NHSL1: variants seen among roughly 807,000 people sequenced by gnomAD.
NHSL1 encodes the protein NHS-like protein 1.
A neutral mutation model predicts 95.0 loss-of-function variants in NHSL1; 48 were observed. The observed-to-expected ratio is 0.51, with a 90% CI of 0.40 to 0.64. The LOEUF is 0.64. Ranked by LOEUF, NHSL1 falls within the 30% of genes least tolerant of loss-of-function variation. The probability of loss-of-function intolerance (pLI) is 0.00; values close to 1 mark genes in which losing one functional copy is unlikely to be tolerated. For synonymous variants in NHSL1, 783 were observed against 833.9 expected, an observed-to-expected ratio of 0.94 and a Z score of 1.05; for missense variants, 1,971 against 2,077.7, an observed-to-expected ratio of 0.95 and a Z score of 1.00.
intron 1 of NHSL1, among the ~76,000 whole-genome samples, chr6:138,626,893 CAAAAA>C (rs71009593): frequency 2.6e-4 from 2 of 7,772 alleles, no homozygotes; most frequent in South Asian, 0.012. Context: ...GACTCCGTCT[CAAAAA>C]AAAAAAAAAA....
chr6:138,584,720 T>G (rs4576272), intron 1 of NHSL1, among the ~76,000 whole-genome samples: 3 of 152,122 alleles, frequency 2.0e-5, no homozygotes, highest in Non-Finnish European at 2.9e-5. Flanking sequence ...CATGAAGATA[T>G]GCCACCACGA....
At chr6:138,509,654 C>T (rs115922440) in intron 1 of NHSL1, among the ~76,000 whole-genome samples, 5 of 152,300 alleles carry the variant, frequency 3.3e-5, no homozygotes, top group African/African-American at 1.2e-4. Context: ...ACAACATGCT[C>T]TCATTCATGG....
rs1181454441 is a variant in NHSL1, at chr6:138,431,197, A to G, written c.3148T>C (p.Ser1050Pro). ...TCCTTGGTAGAAGGCGGCCTCAAGG[A>G]TCCCCGGGAGGATTCTGGCTGGCCA... The part of the protein sequence containing the change: ...NSGQPESSRG[S>P]LRPPSTKEET... The change falls in exon 6 of 8, where the codon TCC becomes CCC. Residue 1050 changes from serine (S) to proline (P), a missense_variant. By Grantham distance (74) the Ser-to-Pro change is moderately conservative. Coordinates refer to ENST00000343505, the MANE Select transcript of NHSL1 (RefSeq NM_001144060.2). The surrounding 1 kb of genome is among the most constrained non-coding windows in gnomAD (Gnocchi z 4.0). The G allele has an allele frequency of 1.3e-6, 2 of 1,543,894 alleles. No homozygotes were observed. The highest frequency in any genetic ancestry group is 2.8e-5 in the African/African-American group (2 of 72,698).
intron 1 of NHSL1, among the ~76,000 whole-genome samples, chr6:138,613,630 G>A (rs772772922): frequency 2.6e-5 from 4 of 152,184 alleles, no homozygotes; most frequent in Non-Finnish European, 5.9e-5. Context: ...CGGATAAACG[G>A]ACTGCCCTGC....
rs1010247146 is a variant in NHSL1, at chr6:138,457,776, G to A, written c.340-10583C>T. 1.2e-4 allele frequency among the ~76,000 whole-genome samples: 18 copies of A among 152,124 alleles called. No homozygotes were observed. In the East Asian group the frequency reaches 1.4e-3, roughly 11 times the overall value. Reference sequence around the variant, plus strand: ...TTAAAATGATCCCCTTTGGGAGGCCGAGGTGGGCGGATCACGAGGTCAGGA... The same window carrying A: ...TTAAAATGATCCCCTTTGGGAGGCCAAGGTGGGCGGATCACGAGGTCAGGA... On this transcript the variant is annotated intron_variant, in intron 3 of 7. Transcript: ENST00000343505.
chr6:138,536,975 G>C (rs1028952610), intron 1 of NHSL1, among the ~76,000 whole-genome samples: 2 of 152,118 alleles, frequency 1.3e-5, no homozygotes, highest in African/African-American at 4.8e-5. Flanking sequence ...CAATAATTAA[G>C]GGGAGCTCAT....
At chr6:138,457,739 C>T (rs866160836) in intron 3 of NHSL1, among the ~76,000 whole-genome samples, 1 of 152,068 alleles carries the variant, frequency 6.6e-6, no homozygotes, top group Non-Finnish European at 1.5e-5. Context: ...TTGACTCCTA[C>T]ACACTCTATA....
chr6:138,503,309 A>T (rs1780785197), upstream of NHSL1, among the ~76,000 whole-genome samples: 1 of 152,158 alleles, frequency 6.6e-6, no homozygotes, highest in African/African-American at 2.4e-5. Flanking sequence ...AGCTTCAAAG[A>T]TCTAGTCCTT....
intron 1 of NHSL1, among the ~76,000 whole-genome samples, chr6:138,542,256 G>T (rs1244380388): frequency 6.6e-6 from 1 of 152,196 alleles, no homozygotes; most frequent in Non-Finnish European, 1.5e-5. Context: ...AAGAGGCAAG[G>T]AAGAGTCTTT....
intron 2 of NHSL1, among the ~76,000 whole-genome samples, chr6:138,480,219 G>C (rs1326053675): frequency 6.6e-6 from 1 of 152,200 alleles, no homozygotes; most frequent in African/African-American, 2.4e-5. Context: ...GCAAATCGTA[G>C]ACCCAGAAAG....
At chr6:138,443,362 C>A in intron 4 of NHSL1, among the ~76,000 whole-genome samples, 1 of 152,138 alleles carries the variant, frequency 6.6e-6, no homozygotes, top group South Asian at 2.1e-4. Context: ...TGAGAGAAGA[C>A]CCTTGAATAC....
At chr6:138,670,712 A>C (rs559270271) in intron 1 of NHSL1, among the ~76,000 whole-genome samples, 3 of 152,118 alleles carry the variant, frequency 2.0e-5, no homozygotes, top group East Asian at 3.9e-4. Context: ...CTCAGAGATA[A>C]GAAGAGACAG....
At chr6:138,515,775 G>A (rs76054793) in intron 1 of NHSL1, among the ~76,000 whole-genome samples, 2,383 of 152,324 alleles carry the variant, frequency 0.016, 26 homozygotes, top group African/African-American at 0.021. Context: ...AAAACTTGAC[G>A]TAGCAGGTGA....
intron 1 of NHSL1, among the ~76,000 whole-genome samples, chr6:138,645,283 C>T (rs186443683): frequency 2.0e-5 from 3 of 152,132 alleles, no homozygotes; most frequent in African/African-American, 7.2e-5. Flanking sequence ...AACAGGGCCC[C>T]GGGCACTCAG....
At chr6:138,579,528 T>G (rs1335145690) in intron 1 of NHSL1, among the ~76,000 whole-genome samples, 1 of 152,246 alleles carries the variant, frequency 6.6e-6, no homozygotes, top group African/African-American at 2.4e-5. Context: ...TATTAACTGA[T>G]AGGCGTATGC....
intron 1 of NHSL1, among the ~76,000 whole-genome samples, chr6:138,583,005 T>TCTCGGCTGAA (rs1445080064): frequency 6.6e-6 from 1 of 152,186 alleles, no homozygotes; most frequent in Non-Finnish European, 1.5e-5. Flanking sequence ...GGGCAGTGAA[T>TCTCGGCTGAA]CTCGGCTGAA....
At chr6:138,573,915 A>G (rs923955772), upstream of NHSL1, among the ~76,000 whole-genome samples, 1 of 152,086 alleles carries the variant, frequency 6.6e-6, no homozygotes, top group African/African-American at 2.4e-5. Context: ...AATTGCAATA[A>G]TATCTCCACT....
chr6:138,673,211 A>G (rs1785403525), intron 1 of NHSL1, among the ~76,000 whole-genome samples: 1 of 152,104 alleles, frequency 6.6e-6, no homozygotes, highest in Non-Finnish European at 1.5e-5. Flanking sequence ...TTTTCTAATC[A>G]TGCTAAATAC....
chr6:138,603,224 T>A (rs903334087), intron 1 of NHSL1, among the ~76,000 whole-genome samples: 10 of 152,160 alleles, frequency 6.6e-5, no homozygotes, highest in African/African-American at 2.4e-4. Context: ...ACATTTTTTT[T>A]ATTTTTTGTA....
Sources: gnomAD v4.1 joint callset for allele counts (sites outside exome capture counted in the v4.1 genomes callset) on GRCh38, gnomAD v4.1.1 for gene constraint, Gnocchi (gnomAD v3.1) non-coding constraint, MANE v1.5 for transcripts, NCBI Gene and HGNC (gene_info 2026-07-23, HGNC 2026-07-21) for gene names.